Variants in FAM184A observed in about 807,000 individuals in gnomAD.
The protein encoded by FAM184A is family with sequence similarity 184 member A, also known as protein FAM184A.
FAM184A carries 99 observed loss-of-function variants against 143.8 expected under a neutral mutation model. The observed-to-expected ratio is 0.69, with a 90% confidence interval of 0.58 to 0.81. The LOEUF (loss-of-function observed/expected upper bound fraction) is 0.81. Ranked by LOEUF, FAM184A falls within the 40% of genes least tolerant of loss-of-function variation. The pLI, the probability that FAM184A is intolerant of heterozygous loss-of-function variation, is 0.00. For synonymous variants in FAM184A, 427 were observed against 446.4 expected, an observed-to-expected ratio of 0.96 and a Z score of 0.55; for missense variants, 1,217 against 1,310.5, an observed-to-expected ratio of 0.93 and a Z score of 1.10.
chr6:119,000,762 A>C lies in FAM184A; in HGVS notation c.2088+2137T>G, dbSNP rs138142817. Among the ~76,000 whole-genome samples, 598 of 152,198 alleles carry C rather than the reference A, an allele frequency of 3.9e-3. 1 individual carries two copies. Among genetic ancestry groups the C allele is most frequent in the Non-Finnish European group, 6.1e-3 (415 of 68,016 alleles). ...TTTTCATAGCATATGCCTCTGCCTA[A>C]GCCCTAGCCACTCCAATTCTATTCC... On this transcript the variant is annotated intron_variant, in intron 9 of 17. Coordinates refer to ENST00000338891, the MANE Select transcript of FAM184A (RefSeq NM_024581.6).
chr6:119,072,591 T>G (rs1787730377), intron 1 of FAM184A, among the ~76,000 whole-genome samples: 1 of 152,210 alleles, frequency 6.6e-6, no homozygotes, highest in Admixed American at 6.5e-5. Context: ...TGGTGTTATA[T>G]AAACACATTC....
intron 1 of FAM184A, among the ~76,000 whole-genome samples, chr6:119,129,719 T>G (rs758581218): frequency 1.6e-5 from 2 of 125,570 alleles, no homozygotes; most frequent in Admixed American, 1.6e-4. Context: ...TTTGTGTGTG[T>G]GTGTGGGGGG....
chr6:119,095,262 C>G (rs1025510273), intron 1 of FAM184A, among the ~76,000 whole-genome samples: 4 of 152,208 alleles, frequency 2.6e-5, no homozygotes, highest in African/African-American at 9.6e-5. Context: ...TTTGTCTCCT[C>G]AAAGGCACTG....
At chr6:119,056,429 A>C (rs775717391) in intron 1 of FAM184A, among the ~76,000 whole-genome samples, 1 of 152,188 alleles carries the variant, frequency 6.6e-6, no homozygotes, top group African/African-American at 2.4e-5. Context: ...ATTTCCCAAA[A>C]CAAACCTAGG....
upstream of FAM184A, among the ~76,000 whole-genome samples, chr6:119,081,917 A>G (rs1788079578): frequency 6.6e-6 from 1 of 152,056 alleles, no homozygotes; most frequent in Admixed American, 6.5e-5. Flanking sequence ...TGCTCCTCTC[A>G]ACATCCAGCT....
chr6:119,110,316 A>AAACAAC (rs755165781), intron 1 of FAM184A, among the ~76,000 whole-genome samples: 6 of 152,170 alleles, frequency 3.9e-5, no homozygotes, highest in Non-Finnish European at 5.9e-5. Context: ...GAAGCAACCA[A>AAACAAC]AACAACAATC....
chr6:119,079,584 G>A (rs1788000839), upstream of FAM184A, among the ~76,000 whole-genome samples: 1 of 151,978 alleles, frequency 6.6e-6, no homozygotes, highest in South Asian at 2.1e-4. Flanking sequence ...AAGCATGTGA[G>A]TCATTTTAGG....
intron 1 of FAM184A, among the ~76,000 whole-genome samples, chr6:119,108,978 T>C (rs9372522): frequency 0.63 from 95,375 of 150,848 alleles, 30,902 homozygotes; most frequent in East Asian, 0.96. Context: ...AGTCTTCCTT[T>C]CATGCCACAA....
chr6:119,098,974 G>A (rs1410495829), intron 1 of FAM184A, among the ~76,000 whole-genome samples: 2 of 152,162 alleles, frequency 1.3e-5, no homozygotes, highest in Non-Finnish European at 2.9e-5. Flanking sequence ...TTGGGATGTG[G>A]TGGCGCATGC....
chr6:119,017,029 A>T (rs1206347856), intron 4 of FAM184A, 85 bp from the exon 5 acceptor site: 1 of 848,862 alleles, frequency 1.2e-6, no homozygotes, highest in Non-Finnish European at 1.8e-6. Flanking sequence ...ATAAATATGG[A>T]AGCTTGAATA....
At chr6:119,092,799 A>G (rs1201236122) in intron 1 of FAM184A, among the ~76,000 whole-genome samples, 1 of 152,168 alleles carries the variant, frequency 6.6e-6, no homozygotes, top group Non-Finnish European at 1.5e-5. Context: ...AAAACTCAAC[A>G]GAGTATTATA....
chr6:119,122,862 T>C (rs746049924), intron 1 of FAM184A, among the ~76,000 whole-genome samples: 7 of 120,362 alleles, frequency 5.8e-5, no homozygotes, highest in Non-Finnish European at 1.1e-4. Flanking sequence ...GAGGTGGAGG[T>C]TGCAGTAAGC....
intron 1 of FAM184A, among the ~76,000 whole-genome samples, chr6:119,093,453 T>A (rs1314191614): frequency 6.6e-6 from 1 of 152,210 alleles, no homozygotes; most frequent in Non-Finnish European, 1.5e-5. Flanking sequence ...CCTATCCTAT[T>A]CAATTTAACA....
chr6:119,109,344 G>A (rs1788870510), intron 1 of FAM184A, among the ~76,000 whole-genome samples: 1 of 152,208 alleles, frequency 6.6e-6, no homozygotes, highest in African/African-American at 2.4e-5. Flanking sequence ...ATTTAGACCT[G>A]ATTTTAGCAC....
intron 1 of FAM184A, among the ~76,000 whole-genome samples, chr6:119,097,042 A>G (rs180871291): frequency 6.6e-6 from 1 of 152,264 alleles, no homozygotes; most frequent in Admixed American, 6.5e-5. Context: ...AGTAGAAAGT[A>G]TGGGGGCCAG....
At chr6:118,995,780 T>C (rs1784526183) in intron 9 of FAM184A, among the ~76,000 whole-genome samples, 1 of 152,222 alleles carries the variant, frequency 6.6e-6, no homozygotes, top group South Asian at 2.1e-4. Flanking sequence ...GAAAATATTT[T>C]AATTATTTTT....
At chr6:119,087,294 G>A (rs559272012) in intron 1 of FAM184A, among the ~76,000 whole-genome samples, 1 of 152,256 alleles carries the variant, frequency 6.6e-6, no homozygotes, top group Non-Finnish European at 1.5e-5. Flanking sequence ...ACAAGAGAGT[G>A]AAAAGGTAGC....
chr6:119,125,639 G>A (rs188757886), intron 1 of FAM184A, among the ~76,000 whole-genome samples: 1 of 152,342 alleles, frequency 6.6e-6, no homozygotes, highest in African/African-American at 2.4e-5. Flanking sequence ...TTGTTGGATA[G>A]CATGAGTTTT....
At chr6:119,129,839 T>G (rs1789486824) in intron 1 of FAM184A, among the ~76,000 whole-genome samples, 1 of 152,122 alleles carries the variant, frequency 6.6e-6, no homozygotes, top group Non-Finnish European at 1.5e-5. Context: ...ATATGTAGAT[T>G]TCCAGCCCTT....
Sources: allele counts gnomAD v4.1 joint callset (sites outside exome capture counted in the v4.1 genomes callset), GRCh38; gene constraint gnomAD v4.1.1; transcripts MANE v1.5; gene names NCBI Gene and HGNC (gene_info 2026-07-23, HGNC 2026-07-21).